CTNNA1: variants seen among roughly 807,000 people sequenced by gnomAD.
CTNNA1 encodes catenin alpha 1, also known as catenin alpha-1.
Under a neutral mutation model 98.4 loss-of-function variants are expected in CTNNA1, and 37 were observed. The ratio of observed to expected loss-of-function variants is 0.38; its 90% confidence interval spans 0.29 to 0.49. CTNNA1 has a LOEUF of 0.49. CTNNA1 is among the 20% of genes least tolerant of loss of function. The pLI is 0.95. For missense variants in CTNNA1, 761 were observed against 1,147.2 expected, an observed-to-expected ratio of 0.66 and a Z score of 4.86; for synonymous variants, 404 against 413.2, an observed-to-expected ratio of 0.98 and a Z score of 0.27.
chr5:138,790,544 G>A (rs531523908), intron 3 of CTNNA1, among the ~76,000 whole-genome samples: 1 of 152,246 alleles, frequency 6.6e-6, no homozygotes, highest in East Asian at 1.9e-4. Context: ...TCCTTTCTCT[G>A]TTGATTTGTT....
intron 1 of CTNNA1, among the ~76,000 whole-genome samples, chr5:138,763,959 C>A (rs536806319): frequency 6.6e-6 from 1 of 152,226 alleles, no homozygotes; most frequent in East Asian, 1.9e-4. Flanking sequence ...GGGAGGCGGG[C>A]AGATCACCTG....
intron 3 of CTNNA1, among the ~76,000 whole-genome samples, chr5:138,803,527 A>C (rs977695755): frequency 3.3e-5 from 5 of 151,932 alleles, no homozygotes; most frequent in African/African-American, 1.2e-4. Flanking sequence ...GGTGTGTGCA[A>C]CTCCCAGAAA....
At chr5:138,771,561 G>A (rs1386453521) in intron 1 of CTNNA1, among the ~76,000 whole-genome samples, 1 of 151,714 alleles carries the variant, frequency 6.6e-6, no homozygotes, top group African/African-American at 2.4e-5. Flanking sequence ...CTTTTTAAAA[G>A]TTGTTTTTGT....
chr5:138,838,272 G>A (rs535557252), intron 7 of CTNNA1, among the ~76,000 whole-genome samples: 40 of 152,182 alleles, frequency 2.6e-4, no homozygotes, highest in South Asian at 1.7e-3. Flanking sequence ...ACTAAGTTAT[G>A]TATTGTTTCT....
At chr5:138,824,933 A>G in intron 6 of CTNNA1, 134 bp downstream of exon 6, 2 of 783,844 alleles carry the variant, frequency 2.6e-6, no homozygotes, top group Non-Finnish European at 4.1e-6. Flanking sequence ...GTCAAAAGAA[A>G]TTATGAATCA....
chr5:138,759,202 A>G (rs1752044948), intron 1 of CTNNA1, among the ~76,000 whole-genome samples: 1 of 151,880 alleles, frequency 6.6e-6, no homozygotes, highest in Admixed American at 6.6e-5. Context: ...TTTTTTGAAA[A>G]CTGGACATTT....
intron 1 of CTNNA1, among the ~76,000 whole-genome samples, chr5:138,770,825 G>A (rs904841876): frequency 3.3e-5 from 5 of 152,082 alleles, no homozygotes; most frequent in African/African-American, 9.6e-5. Flanking sequence ...GGTGGTGGGC[G>A]CCTGTAGTCC....
chr5:138,793,776 AG>A (rs1376764285), intron 3 of CTNNA1, among the ~76,000 whole-genome samples: 1 of 152,202 alleles, frequency 6.6e-6, no homozygotes, highest in East Asian at 1.9e-4. Context: ...GAATAGCAGC[AG>A]GGCACACTTG....
intron 7 of CTNNA1, chr5:138,875,617 T>A (rs1166676421): frequency 1.0e-6 from 1 of 985,352 alleles, no homozygotes; most frequent in East Asian, 1.1e-4. Flanking sequence ...GTTAGCAGAG[T>A]GATGATTTTT....
At chr5:138,894,477 T>C (rs575077083) in intron 9 of CTNNA1, among the ~76,000 whole-genome samples, 63 of 151,768 alleles carry the variant, frequency 4.2e-4, no homozygotes, top group Non-Finnish European at 7.2e-4. Context: ...GATGGGGTTT[T>C]GCCATGTTGT....
At chr5:138,765,116 C>G (rs1752787096) in intron 1 of CTNNA1, among the ~76,000 whole-genome samples, 1 of 152,154 alleles carries the variant, frequency 6.6e-6, no homozygotes, top group East Asian at 1.9e-4. Context: ...TCTCGGCTCA[C>G]TGCAACCTCC....
intron 4 of CTNNA1, among the ~76,000 whole-genome samples, chr5:138,811,752 C>G (rs1312742635): frequency 1.3e-5 from 2 of 152,048 alleles, no homozygotes; most frequent in East Asian, 1.9e-4. Flanking sequence ...CCCGTCTCCA[C>G]CAAAAAAATA....
rs568442009 is a variant in CTNNA1 at position 138,904,965 on chromosome 5, G to A, written c.1389+524G>A. Among the ~76,000 whole-genome samples the A allele has an allele frequency of 1.3e-4, 19 of 151,608 alleles. No homozygotes were observed. In the East Asian group the frequency reaches 3.5e-3, roughly 28 times the overall value. On this transcript the variant is annotated intron_variant, in intron 10 of 17. Coordinates refer to ENST00000302763, the MANE Select transcript of CTNNA1 (RefSeq NM_001903.5). ...AAAAATTAGGTGGGTGTGGTGGCAG[G>A]TGCCTGTAGTGCCAGCTACTCGGGA...
chr5:138,826,967 G>T (rs1425160642), intron 6 of CTNNA1, among the ~76,000 whole-genome samples: 1 of 152,110 alleles, frequency 6.6e-6, no homozygotes, highest in Non-Finnish European at 1.5e-5. Context: ...TTTTTTTGTA[G>T]AGACAGGGTC....
intron 8 of CTNNA1, 126 bp from the exon 9 acceptor site, chr5:138,887,364 C>A: frequency 1.6e-6 from 1 of 620,634 alleles, no homozygotes; most frequent in Non-Finnish European, 2.7e-6. Flanking sequence ...CATGAGGGGT[C>A]CTCATGTAAG....
intron 11 of CTNNA1, among the ~76,000 whole-genome samples, chr5:138,920,905 C>T (rs1385015320): frequency 6.6e-6 from 1 of 152,108 alleles, no homozygotes; most frequent in Non-Finnish European, 1.5e-5. Flanking sequence ...TTGTGTATAA[C>T]CTGGTGCAGC....
intron 6 of CTNNA1, among the ~76,000 whole-genome samples, chr5:138,826,922 C>T (rs1321337345): frequency 6.6e-6 from 1 of 152,146 alleles, no homozygotes; most frequent in Middle Eastern, 3.2e-3. Flanking sequence ...GTAGCTGGGA[C>T]TATAGGCGTG....
At chr5:138,844,187 G>A (rs1230017649) in intron 7 of CTNNA1, among the ~76,000 whole-genome samples, 2 of 150,686 alleles carry the variant, frequency 1.3e-5, no homozygotes, top group Non-Finnish European at 2.9e-5. Flanking sequence ...GTAGAGATGG[G>A]GTTTTGCTGT....
At chr5:138,791,889 A>C (rs1450484080) in intron 3 of CTNNA1, among the ~76,000 whole-genome samples, 1 of 149,322 alleles carries the variant, frequency 6.7e-6, no homozygotes, top group Non-Finnish European at 1.5e-5. Flanking sequence ...TCTAGGGTAC[A>C]TGTGCACAGC....
Sources: allele counts gnomAD v4.1 joint callset (sites outside exome capture counted in the v4.1 genomes callset), GRCh38; gene constraint gnomAD v4.1.1; transcripts MANE v1.5; gene names NCBI Gene and HGNC (gene_info 2026-07-23, HGNC 2026-07-21).